TAFA2: variants seen among roughly 807,000 people sequenced by gnomAD.
The protein encoded by TAFA2 is chemokine-like protein TAFA-2.
TAFA2 carries 7 observed loss-of-function variants against 18.8 expected under a neutral mutation model. The ratio of observed to expected loss-of-function variants is 0.37; its 90% CI spans 0.21 to 0.70. TAFA2 has a LOEUF of 0.70. Among genes scored for constraint, TAFA2 ranks in the 30% least tolerant of loss-of-function variants. TAFA2 has a pLI of 0.53. For synonymous variants in TAFA2, 60 were observed against 54.2 expected, an observed-to-expected ratio of 1.11 and a Z score of -0.47; for missense variants, 122 against 158.1, an observed-to-expected ratio of 0.77 and a Z score of 1.23.
At chr12:61,859,399 C>T (rs1874025648) in intron 2 of TAFA2, among the ~76,000 whole-genome samples, 1 of 152,158 alleles carries the variant, frequency 6.6e-6, no homozygotes, top group Non-Finnish European at 1.5e-5. Context: ...TGGGTGGGGA[C>T]ACAGAGCCAA....
intron 1 of TAFA2, among the ~76,000 whole-genome samples, chr12:62,208,933 T>C (rs1185130823): frequency 1.3e-5 from 2 of 152,244 alleles, no homozygotes; most frequent in Non-Finnish European, 2.9e-5. Flanking sequence ...GTTGACTTTG[T>C]CATGCTGGTA....
intron 1 of TAFA2, among the ~76,000 whole-genome samples, chr12:61,898,407 G>T (rs192042085): frequency 1.3e-5 from 2 of 152,314 alleles, no homozygotes; most frequent in East Asian, 3.9e-4. Flanking sequence ...GGTTCTCCAT[G>T]AGGGCTCCAC....
At chr12:62,036,362 T>C (rs1181682366) in intron 1 of TAFA2, among the ~76,000 whole-genome samples, 1 of 152,168 alleles carries the variant, frequency 6.6e-6, no homozygotes, top group Non-Finnish European at 1.5e-5. Context: ...AAGAGCAAAA[T>C]GCTGCAGCTG....
chr12:62,201,142 G>A (rs2062669132), intron 1 of TAFA2, among the ~76,000 whole-genome samples: 1 of 152,176 alleles, frequency 6.6e-6, no homozygotes, highest in South Asian at 2.1e-4. Context: ...CTTTTGGGCT[G>A]AGATGATGGG....
At chr12:62,119,983 G>C (rs529947874) in intron 1 of TAFA2, among the ~76,000 whole-genome samples, 3 of 151,892 alleles carry the variant, frequency 2.0e-5, no homozygotes, top group African/African-American at 7.2e-5. Context: ...TGAGGCAGGA[G>C]AATCACTTGA....
At chr12:62,162,929 G>A (rs2062415385) in intron 1 of TAFA2, among the ~76,000 whole-genome samples, 1 of 151,542 alleles carries the variant, frequency 6.6e-6, no homozygotes. Context: ...TGAAGAATGG[G>A]GAAGATTTAT....
intron 1 of TAFA2, among the ~76,000 whole-genome samples, chr12:62,134,600 T>A (rs1545305): frequency 0.17 from 25,906 of 151,536 alleles, 2,528 homozygotes; most frequent in East Asian, 0.34. Context: ...CTGATAGATA[T>A]CAATAGCACT....
intron 2 of TAFA2, among the ~76,000 whole-genome samples, chr12:61,856,974 T>C (rs979211233): frequency 6.6e-6 from 1 of 151,736 alleles, no homozygotes; most frequent in Non-Finnish European, 1.5e-5. Flanking sequence ...TACAGTATAG[T>C]CTTAATATGA....
At chr12:61,804,070 T>G (rs1175237167) in intron 2 of TAFA2, among the ~76,000 whole-genome samples, 1 of 152,002 alleles carries the variant, frequency 6.6e-6, no homozygotes, top group Non-Finnish European at 1.5e-5. Flanking sequence ...GTGCATTTGT[T>G]CAAAGATTCC....
chr12:61,720,012 T>A (rs1869827840), intron 4 of TAFA2, among the ~76,000 whole-genome samples: 1 of 152,198 alleles, frequency 6.6e-6, no homozygotes, highest in Non-Finnish European at 1.5e-5. Context: ...CAGATGGCGA[T>A]GTTTAACATG....
intron 1 of TAFA2, among the ~76,000 whole-genome samples, chr12:61,903,972 T>C (rs1293741742): frequency 1.3e-5 from 2 of 152,190 alleles, no homozygotes; most frequent in Non-Finnish European, 2.9e-5. Context: ...TGGCAAGTCC[T>C]GCTATTCTTT....
At chr12:62,042,731 A>C (rs1881797854) in intron 1 of TAFA2, among the ~76,000 whole-genome samples, 1 of 152,070 alleles carries the variant, frequency 6.6e-6, no homozygotes, top group South Asian at 2.1e-4. Context: ...CCATATCATC[A>C]ACTGTATTGA....
intron 1 of TAFA2, among the ~76,000 whole-genome samples, chr12:61,991,563 A>G (rs553005037): frequency 1.3e-5 from 2 of 152,342 alleles, no homozygotes; most frequent in South Asian, 2.1e-4. Flanking sequence ...TATGAATGCT[A>G]CATTTCAGTT....
intron 1 of TAFA2, among the ~76,000 whole-genome samples, chr12:61,952,866 G>A (rs552944340): frequency 3.3e-5 from 5 of 151,992 alleles, no homozygotes; most frequent in East Asian, 1.9e-4. Context: ...ATAAAGAACC[G>A]AGTACGTGTT....
At chr12:62,161,695 T>G (rs1038175984) in intron 1 of TAFA2, among the ~76,000 whole-genome samples, 5 of 152,226 alleles carry the variant, frequency 3.3e-5, no homozygotes, top group Non-Finnish European at 7.3e-5. Flanking sequence ...CATAAATTTA[T>G]ACAAATTTCT....
At chr12:61,913,394 C>T (rs1033011322) in intron 1 of TAFA2, among the ~76,000 whole-genome samples, 1 of 152,058 alleles carries the variant, frequency 6.6e-6, no homozygotes, top group African/African-American at 2.4e-5. Flanking sequence ...TGTTATGATA[C>T]CCAATAATCC....
At chr12:62,064,261 T>C (rs1259759909) in intron 1 of TAFA2, among the ~76,000 whole-genome samples, 2 of 152,154 alleles carry the variant, frequency 1.3e-5, no homozygotes, top group African/African-American at 2.4e-5. Context: ...GATATTTATA[T>C]TTTGTGGAAT....
chr12:62,217,327 A>C (rs2062739830), intron 1 of TAFA2, among the ~76,000 whole-genome samples: 1 of 152,212 alleles, frequency 6.6e-6, no homozygotes, highest in Non-Finnish European at 1.5e-5. Context: ...TAAAACCACA[A>C]TGTAAATACC....
chr12:62,254,788 T>C (rs895022187), intron 1 of TAFA2, among the ~76,000 whole-genome samples: 1 of 152,210 alleles, frequency 6.6e-6, no homozygotes, highest in African/African-American at 2.4e-5. Context: ...TTTCCATCAG[T>C]CCTGAAACAT....
Sources: allele counts gnomAD v4.1 joint callset (sites outside exome capture counted in the v4.1 genomes callset), GRCh38; gene constraint gnomAD v4.1.1; transcripts MANE v1.5; gene names NCBI Gene and HGNC (gene_info 2026-07-23, HGNC 2026-07-21).